Variants in PPP1CC observed in about 807,000 individuals in gnomAD.
PPP1CC encodes the protein serine/threonine-protein phosphatase PP1-gamma catalytic subunit.
Under a neutral mutation model 38.4 loss-of-function variants are expected in PPP1CC, and 16 were observed. The observed-to-expected ratio is 0.42, with a 90% CI of 0.28 to 0.63. The LOEUF (loss-of-function observed/expected upper bound fraction) is 0.63, where lower values mean the gene tolerates loss of function less well. PPP1CC is among the 30% of genes least tolerant of loss of function. The probability of loss-of-function intolerance (pLI) is 0.25; values close to 1 mark genes in which losing one functional copy is unlikely to be tolerated. For missense variants in PPP1CC, 170 were observed against 391.3 expected (o/e 0.43, Z 4.77); for synonymous variants, 158 against 136.0 (o/e 1.16, Z -1.13).
Position 110,730,618 on chromosome 12 carries a change from T to C in PPP1CC, c.329A>G (p.Tyr110Cys), listed in dbSNP as rs2069860672. 1 of 1,614,110 alleles carries C rather than the reference T, an allele frequency of 6.2e-7. No individual in the cohort carries two copies. Residue 110 changes from tyrosine (Y) to cysteine (C), a missense_variant, in exon 3 of 7, where the codon TAC becomes TGC. Transcript: ENST00000335007. ...SLETICLLLA[Y>C]KIKYPENFFL... is the part of the protein sequence containing the mutation. The stretch of plus-strand genomic sequence containing the variant: ...AAAATTCTCAGGATATTTTATTTTG[T>C]AGGCCAGTAAGAGGCAGATCGTCTC...
chr12:110,728,661 T>C (rs1402344937), intron 3 of PPP1CC, among the ~76,000 whole-genome samples: 1 of 151,708 alleles, frequency 6.6e-6, no homozygotes, highest in East Asian at 1.9e-4. Context: ...ACCTAAGGAG[T>C]AGTAACTGGC....
intron 3 of PPP1CC, chr12:110,725,078 G>C (rs1462174110): frequency 1.1e-5 from 2 of 179,490 alleles, no homozygotes; most frequent in Non-Finnish European, 1.2e-5. Context: ...GACTCTCCTA[G>C]AGGGAAGGGG....
chr12:110,728,019 C>T (rs2069822004), intron 3 of PPP1CC, among the ~76,000 whole-genome samples: 1 of 152,112 alleles, frequency 6.6e-6, no homozygotes, highest in African/African-American at 2.4e-5. Flanking sequence ...ATACACGTCA[C>T]AAAAATGAGG....
downstream of PPP1CC, among the ~76,000 whole-genome samples, chr12:110,716,031 T>C (rs1477762946): frequency 6.6e-6 from 1 of 152,208 alleles, no homozygotes; most frequent in Non-Finnish European, 1.5e-5. Flanking sequence ...GCAAGTTGCT[T>C]TTTGGCTGGT....
rs530792855 is a variant in PPP1CC, at chr12:110,727,848, A to T, written c.418+2681T>A. On this transcript the variant is annotated intron_variant, in intron 3 of 6. Coordinates refer to ENST00000335007, the MANE Select transcript of PPP1CC (RefSeq NM_002710.4). ...CTGGATGGCAAATTATATCTGCCTG[A>T]TGAGAGAGAGGAAGCTTGAGCATAA... Among the ~76,000 whole-genome samples the T allele has an allele frequency of 1.3e-5, 2 of 152,264 alleles. 1 individual carries two copies. The highest frequency in any genetic ancestry group is 4.1e-4 in the South Asian group (2 of 4,828).
chr12:110,724,560 C>G (rs1401988890), intron 4 of PPP1CC, 100 bp downstream of exon 4: 2 of 708,916 alleles, frequency 2.8e-6, no homozygotes, highest in Non-Finnish European at 5.2e-6. Context: ...GGAGAGTGTT[C>G]TGTCAGAGAA....
Position 110,722,127 on chromosome 12 carries a change from T to TG in PPP1CC, c.882+7dup. The TG allele has an allele frequency of 4.3e-6, 7 of 1,613,654 alleles. No individual in the cohort carries two copies. The highest frequency in any genetic ancestry group is 5.9e-6 in the Non-Finnish European group (7 of 1,179,818). ...TTAAAAGGAAATCATGTTGAAAGCA[T>TG]GCTCTACCTGAAAAGAACACATTAG... On this transcript the variant is annotated splice_region_variant and intron_variant, in intron 6 of 6. Transcript: ENST00000335007. This position sits in a 1 kb window ranked among gnomAD's most constrained non-coding sequence, Gnocchi z 5.4.
At chr12:110,725,594 C>A (rs1449858356) in intron 3 of PPP1CC, 3 of 152,204 alleles carry the variant, frequency 2.0e-5, no homozygotes, top group Admixed American at 6.6e-5. Context: ...AGTCAGAGTG[C>A]AGTTCTGACA....
chr12:110,710,490 G>A, the PPP1CC span, among the ~76,000 whole-genome samples: 15 of 151,416 alleles, frequency 9.9e-5, no homozygotes, highest in East Asian at 1.9e-4. Flanking sequence ...AGGCCAAGGC[G>A]GGTGGATCAC....
intron 1 of PPP1CC, among the ~76,000 whole-genome samples, chr12:110,735,856 G>C (rs1355527313): frequency 1.3e-5 from 2 of 151,878 alleles, no homozygotes; most frequent in African/African-American, 4.8e-5. Context: ...CCTGAGGTAA[G>C]GAGTTCGAGA....
chr12:110,714,110 A>G, the PPP1CC span, among the ~76,000 whole-genome samples: 1 of 152,122 alleles, frequency 6.6e-6, no homozygotes. Flanking sequence ...AAAACAAACG[A>G]AAACAAAAAA....
intron 3 of PPP1CC, chr12:110,726,631 C>A (rs547498753): frequency 6.6e-6 from 1 of 152,312 alleles, no homozygotes; most frequent in Admixed American, 6.5e-5. Context: ...AATACTACTA[C>A]TACTACCACC....
downstream of PPP1CC, among the ~76,000 whole-genome samples, chr12:110,717,015 T>C (rs1180924223): frequency 1.1e-4 from 16 of 152,254 alleles, no homozygotes; most frequent in Admixed American, 1.0e-3. Context: ...AAGTGACTTC[T>C]GCCTGTGCCT....
In PPP1CC at chr12:110,732,033, A is replaced by C. The variant is rs527935763; in HGVS notation, c.56-132T>G. 1.7e-3 allele frequency: 1,569 copies of C among 942,816 alleles called. 16 individuals carry two copies. Among genetic ancestry groups the C allele is most frequent in the South Asian group, 0.016 (918 of 58,114 alleles). The allele number at this position is 942,816 out of a possible 1,614,324, so 58.4% of individuals were successfully genotyped here. ...TTCATTTTCAGGACACTTATAATAAACATGGTTTTAATGTCTAATTAGAAT... is the reference window on the plus strand; with the variant it reads ...TTCATTTTCAGGACACTTATAATAACCATGGTTTTAATGTCTAATTAGAAT... On this transcript the variant is annotated intron_variant, in intron 1 of 6. Transcript: ENST00000335007.
intron 3 of PPP1CC, among the ~76,000 whole-genome samples, chr12:110,726,996 G>T (rs1331519846): frequency 6.6e-6 from 1 of 152,134 alleles, no homozygotes; most frequent in Non-Finnish European, 1.5e-5. Context: ...GGAATGAAGC[G>T]ACGCAATCTT....
At chr12:110,709,965 T>TAATAAC in the PPP1CC span, among the ~76,000 whole-genome samples, 4 of 138,608 alleles carry the variant, frequency 2.9e-5, no homozygotes, top group African/African-American at 8.0e-5. Context: ...ATAATAATAA[T>TAATAAC]AATAATAATA....
intron 3 of PPP1CC, among the ~76,000 whole-genome samples, chr12:110,727,563 G>C (rs2069813913): frequency 1.4e-5 from 2 of 148,090 alleles, no homozygotes; most frequent in African/African-American, 5.0e-5. Flanking sequence ...AAACACTCAT[G>C]TTTTACCCAA....
chr12:110,718,203 C>T (rs17682644), downstream of PPP1CC, among the ~76,000 whole-genome samples: 13,998 of 152,088 alleles, frequency 0.092, 728 homozygotes, highest in African/African-American at 0.12. Context: ...AGCATCTGTG[C>T]TGTCCACTGC....
At position 110,722,005 on chromosome 12, in the gene PPP1CC, C is replaced by G; in HGVS notation, c.882+130G>C. The G allele has an allele frequency of 1.8e-6, 2 of 1,084,030 alleles. No individual in the cohort carries two copies. The highest frequency in any genetic ancestry group is 2.6e-6 in the Non-Finnish European group (2 of 769,578). The allele number at this position is 1,084,030 out of a possible 1,614,324, so 67.2% of individuals were successfully genotyped here. On this transcript the variant is annotated intron_variant, in intron 6 of 6. Transcript: ENST00000335007. The surrounding 1 kb of genome is among the most constrained non-coding windows in gnomAD (Gnocchi z 5.4). ...ACACATTATTCAACTATAATACACA[C>G]TGGTTAAGGGAAAATAAAAACTTAG...
Sources: gnomAD v4.1 joint callset for allele counts (sites outside exome capture counted in the v4.1 genomes callset) on GRCh38, gnomAD v4.1.1 for gene constraint, Gnocchi (gnomAD v3.1) non-coding constraint, MANE v1.5 for transcripts, NCBI Gene and HGNC (gene_info 2026-07-23, HGNC 2026-07-21) for gene names.